MEGF11: variants seen among roughly 807,000 people sequenced by gnomAD.
The protein encoded by MEGF11 is multiple epidermal growth factor-like domains protein 11.
MEGF11 carries 126 observed loss-of-function variants against 146.6 expected under a neutral mutation model. The ratio of observed to expected loss-of-function variants is 0.86; its 90% CI spans 0.74 to 1.00. The LOEUF (loss-of-function observed/expected upper bound fraction) is 1.00. Among genes scored for constraint, MEGF11 ranks in the 50% least tolerant of loss-of-function variants. The pLI, the probability that MEGF11 is intolerant of heterozygous loss-of-function variation, is 0.00. For synonymous variants in MEGF11, 532 were observed against 583.4 expected (o/e 0.91, Z 1.27); for missense variants, 1,509 against 1,521.2 (o/e 0.99, Z 0.13).
rs576317367 is a variant in MEGF11 at position 66,020,014 on chromosome 15, C to T, written c.395-37526G>A. On this transcript the variant is annotated intron_variant, in intron 5 of 25. Coordinates refer to ENST00000395614, the MANE Select transcript of MEGF11 (RefSeq NM_001385028.1). Reference sequence around the variant, plus strand: ...AGGTGGGGTTGTGATGGAGCTAAACCGGGGAGGGGATAACGGGCAGCTGTT... The same window carrying T: ...AGGTGGGGTTGTGATGGAGCTAAACTGGGGAGGGGATAACGGGCAGCTGTT... Among the ~76,000 whole-genome samples the T allele has an allele frequency of 5.3e-5, 8 of 152,300 alleles. No homozygotes were observed. The East Asian group carries it at 5.8e-4, about 11-fold the overall frequency.
intron 10 of MEGF11, among the ~76,000 whole-genome samples, chr15:65,934,029 C>T (rs951752882): frequency 7.2e-5 from 11 of 152,188 alleles, no homozygotes; most frequent in African/African-American, 2.7e-4. Flanking sequence ...TCTGGGCTGG[C>T]TCCCTGTTCC....
chr15:66,116,627 G>C (rs1314494290), intron 4 of MEGF11, among the ~76,000 whole-genome samples: 1 of 152,208 alleles, frequency 6.6e-6, no homozygotes, highest in Non-Finnish European at 1.5e-5. Context: ...GGGGATCCAT[G>C]AACCCAATGA....
chr15:66,042,111 T>C (rs987198523), intron 5 of MEGF11, among the ~76,000 whole-genome samples: 10 of 292 alleles, frequency 0.034, no homozygotes, highest in African/African-American at 0.033. Context: ...CTTTCCCTTT[T>C]TTTTTTTTTT....
intron 5 of MEGF11, among the ~76,000 whole-genome samples, chr15:66,022,847 CAA>C (rs10579872): frequency 0.68 from 87,978 of 128,480 alleles, 30,988 homozygotes; most frequent in Non-Finnish European, 0.79. Flanking sequence ...GACCCTGTCT[CAA>C]AAAAAAAAAA....
At chr15:66,078,936 C>T (rs767075739) in intron 5 of MEGF11, among the ~76,000 whole-genome samples, 5 of 152,176 alleles carry the variant, frequency 3.3e-5, no homozygotes, top group African/African-American at 4.8e-5. Flanking sequence ...ACAACACTCC[C>T]GAGTACACAG....
intron 10 of MEGF11, among the ~76,000 whole-genome samples, chr15:65,948,008 G>C (rs985805874): frequency 6.6e-6 from 1 of 152,130 alleles, no homozygotes; most frequent in African/African-American, 2.4e-5. Context: ...GGTCCCAGAG[G>C]GGGAAGGCTG....
At chr15:66,092,890 C>T (rs928322445) in intron 5 of MEGF11, among the ~76,000 whole-genome samples, 1 of 152,242 alleles carries the variant, frequency 6.6e-6, no homozygotes, top group Admixed American at 6.5e-5. Flanking sequence ...TCAGATATTC[C>T]TTCCTCAAAG....
chr15:66,084,569 A>G (rs2086023649), intron 5 of MEGF11, among the ~76,000 whole-genome samples: 1 of 152,120 alleles, frequency 6.6e-6, no homozygotes, highest in Non-Finnish European at 1.5e-5. Context: ...TGTTTGTGGG[A>G]GAAGTTTCTG....
chr15:66,061,530 G>A (rs975805396), intron 5 of MEGF11, among the ~76,000 whole-genome samples: 1 of 152,086 alleles, frequency 6.6e-6, no homozygotes, highest in African/African-American at 2.4e-5. Flanking sequence ...GAGACAGAAG[G>A]CAAACTCATG....
intron 8 of MEGF11, among the ~76,000 whole-genome samples, chr15:65,965,619 T>TCTTTC (rs2081059626): frequency 7.5e-5 from 9 of 120,024 alleles, no homozygotes; most frequent in Middle Eastern, 4.7e-3. Context: ...TTTTCTTTTT[T>TCTTTC]TTTTTTTTGG....
chr15:66,027,409 C>A (rs1597005984), intron 5 of MEGF11, among the ~76,000 whole-genome samples: 1 of 152,232 alleles, frequency 6.6e-6, no homozygotes, highest in African/African-American at 2.4e-5. Context: ...CCCTCACAGA[C>A]AGGGGCCTAT....
intron 5 of MEGF11, among the ~76,000 whole-genome samples, chr15:66,003,328 C>T (rs979288212): frequency 1.3e-5 from 2 of 152,164 alleles, no homozygotes; most frequent in African/African-American, 4.8e-5. Flanking sequence ...TGAGCTGAAC[C>T]ACAGTCCTAG....
chr15:66,058,658 G>A (rs1363909499), intron 5 of MEGF11, among the ~76,000 whole-genome samples: 7 of 152,102 alleles, frequency 4.6e-5, no homozygotes, highest in Non-Finnish European at 2.9e-5. Context: ...GCCTCTGGGT[G>A]CCTCAGTCAT....
chr15:65,898,187 G>T, intron 25 of MEGF11, 93 bp from the exon 26 acceptor site: 1 of 1,479,978 alleles, frequency 6.8e-7, no homozygotes. Context: ...TTGGGGAAAG[G>T]AGCCAGGGAT....
intron 4 of MEGF11, 68 bp downstream of exon 4, chr15:66,119,018 T>TC (rs2087874769): frequency 5.5e-6 from 4 of 731,482 alleles, no homozygotes; most frequent in South Asian, 1.6e-5. Context: ...CCACCTCCCC[T>TC]CCCCTCCCCT....
intron 5 of MEGF11, among the ~76,000 whole-genome samples, chr15:66,008,549 C>A (rs1227365478): frequency 6.6e-6 from 1 of 152,130 alleles, no homozygotes; most frequent in African/African-American, 2.4e-5. Context: ...AGTTATAGGG[C>A]ATGGTGGTTC....
At chr15:65,907,495 A>G (rs535911267) in intron 23 of MEGF11, among the ~76,000 whole-genome samples, 3 of 152,158 alleles carry the variant, frequency 2.0e-5, no homozygotes. Context: ...GGGTTTTACC[A>G]TGTTGGCCAG....
chr15:65,993,430 G>T (rs1008255586), intron 5 of MEGF11, among the ~76,000 whole-genome samples: 8 of 152,186 alleles, frequency 5.3e-5, no homozygotes, highest in African/African-American at 1.9e-4. Flanking sequence ...TTGCATCACT[G>T]CCTTTGAAGC....
At chr15:66,113,931 T>C (rs1229231829) in intron 4 of MEGF11, among the ~76,000 whole-genome samples, 3 of 151,834 alleles carry the variant, frequency 2.0e-5, no homozygotes, top group Non-Finnish European at 2.9e-5. Context: ...CAAGTGTAGT[T>C]CCCATCCATC....
Sources: gnomAD v4.1 joint callset for allele counts (sites outside exome capture counted in the v4.1 genomes callset) on GRCh38, gnomAD v4.1.1 for gene constraint, MANE v1.5 for transcripts, NCBI Gene and HGNC (gene_info 2026-07-23, HGNC 2026-07-21) for gene names.